THSD7A: variants seen among roughly 807,000 people sequenced by gnomAD.
THSD7A encodes the protein thrombospondin type 1 domain containing 7A.
In THSD7A, 96 loss-of-function variants were observed where a neutral mutation model predicts 231.3. The ratio of observed to expected loss-of-function variants is 0.41; its 90% confidence interval spans 0.35 to 0.49. The LOEUF is 0.49. THSD7A is among the 20% of genes least tolerant of loss of function. The probability of loss-of-function intolerance (pLI) is 0.05; values close to 1 mark genes in which losing one functional copy is unlikely to be tolerated. For missense variants in THSD7A, 2,290 were observed against 2,070.2 expected, an observed-to-expected ratio of 1.11 and a Z score of -2.06; for synonymous variants, 940 against 743.3, an observed-to-expected ratio of 1.26 and a Z score of -4.30.
At position 11,593,448 on chromosome 7, in the gene THSD7A, T is replaced by C. The variant is rs1310492931; in HGVS notation, c.1077A>G (p.Lys359=). 1 of 1,614,010 alleles carries C rather than the reference T, an allele frequency of 6.2e-7. No homozygotes were observed. The highest frequency in any genetic ancestry group is 1.7e-5 in the Admixed American group (1 of 60,028). Residue 359 remains lysine (K), a synonymous_variant, in exon 3 of 28, where the codon AAA becomes AAG. Coordinates refer to ENST00000423059, the MANE Select transcript of THSD7A (RefSeq NM_015204.3). ...CTGACCACTCGGAAACCTGGCACTC[T>C]TTGGTGATCACACAGGACTGGAAGG... is the stretch of plus-strand genomic sequence containing the variant. The part of the protein sequence containing the change: ...PMTFQSCVIT[K]ECQVSEWSEW...
In THSD7A at chr7:11,790,067, G is replaced by A. The variant is rs114006138; in HGVS notation, c.190+41690C>T. 4.9e-3 allele frequency among the ~76,000 whole-genome samples: 750 copies of A among 152,088 alleles called. 6 individuals carry two copies. The highest frequency in any genetic ancestry group is 0.017 in the African/African-American group (693 of 41,522). On this transcript the variant is annotated intron_variant, in intron 1 of 27. Transcript: ENST00000423059. Reference sequence around the variant, plus strand: ...AATATTTATTTGAAAATTAAATGTTGTGGAGATAAAAAGACATACTTTTTG... The same window carrying A: ...AATATTTATTTGAAAATTAAATGTTATGGAGATAAAAAGACATACTTTTTG...
intron 1 of THSD7A, among the ~76,000 whole-genome samples, chr7:11,751,907 C>G (rs893268932): frequency 6.6e-6 from 1 of 152,064 alleles, no homozygotes; most frequent in Non-Finnish European, 1.5e-5. Flanking sequence ...TTACTCCACA[C>G]ATAATTTTAA....
At chr7:11,565,977 G>A (rs1158231937) in intron 4 of THSD7A, among the ~76,000 whole-genome samples, 1 of 152,074 alleles carries the variant, frequency 6.6e-6, no homozygotes, top group Non-Finnish European at 1.5e-5. Context: ...CTTTTATTAG[G>A]CTAAGCATGA....
At chr7:11,660,478 G>A (rs1165509202) in intron 1 of THSD7A, among the ~76,000 whole-genome samples, 2 of 151,384 alleles carry the variant, frequency 1.3e-5, no homozygotes, top group Admixed American at 1.3e-4. Context: ...TTGATGTCAT[G>A]TGAAATAGAA....
intron 6 of THSD7A, among the ~76,000 whole-genome samples, chr7:11,491,512 T>A (rs1243409329): frequency 1.3e-5 from 2 of 152,096 alleles, no homozygotes; most frequent in African/African-American, 4.8e-5. Context: ...TTCTCAGGCA[T>A]CTTCTAGCAG....
In THSD7A at chr7:11,802,300, T is replaced by A. The variant is rs6950194; in HGVS notation, c.190+29457A>T. ...ATATACCTGGCCCACCCTACTATAC[T>A]ATTTAATTAAAATCTTTTGGTGTAA... On this transcript the variant is annotated intron_variant, in intron 1 of 27. Transcript: ENST00000423059. 3.5e-3 allele frequency among the ~76,000 whole-genome samples: 528 copies of A among 152,250 alleles called. 3 individuals are homozygous for A. The highest frequency in any genetic ancestry group is 0.011 in the African/African-American group (474 of 41,544).
intron 1 of THSD7A, among the ~76,000 whole-genome samples, chr7:11,773,313 C>T (rs1302759747): frequency 6.6e-6 from 1 of 152,126 alleles, no homozygotes; most frequent in Non-Finnish European, 1.5e-5. Context: ...GCGGGCAGAT[C>T]ATCTAGGTCG....
At chr7:11,553,381 T>G (rs1407949390) in intron 4 of THSD7A, among the ~76,000 whole-genome samples, 3 of 152,124 alleles carry the variant, frequency 2.0e-5, no homozygotes, top group African/African-American at 7.2e-5. Flanking sequence ...TCAAAAACTG[T>G]AAGACGATTA....
intron 6 of THSD7A, among the ~76,000 whole-genome samples, chr7:11,495,223 T>A (rs1469994622): frequency 6.6e-6 from 1 of 152,086 alleles, no homozygotes; most frequent in African/African-American, 2.4e-5. Context: ...GATTTATAAA[T>A]TAACCTTTAT....
At chr7:11,659,689 ATTAATTGGTATTCCATAAATACTG>A (rs1782852797) in intron 1 of THSD7A, among the ~76,000 whole-genome samples, 1 of 151,502 alleles carries the variant, frequency 6.6e-6, no homozygotes, top group Non-Finnish European at 1.5e-5. Flanking sequence ...CAGATCACAT[ATTAATTGGTATTCCATAAATACTG>A]TTAATGAATG....
chr7:11,537,189 A>T (rs1319516258), intron 6 of THSD7A, among the ~76,000 whole-genome samples: 2 of 152,180 alleles, frequency 1.3e-5, no homozygotes, highest in Admixed American at 6.5e-5. Context: ...CCCCTTCCTC[A>T]TCTTATAGGC....
At chr7:11,460,081 T>G (rs1360203814) in intron 11 of THSD7A, among the ~76,000 whole-genome samples, 2 of 152,106 alleles carry the variant, frequency 1.3e-5, no homozygotes, top group Non-Finnish European at 2.9e-5. Context: ...TTGAACATTC[T>G]CATTACCCAT....
At chr7:11,517,214 G>C (rs768578075) in intron 6 of THSD7A, among the ~76,000 whole-genome samples, 1 of 152,000 alleles carries the variant, frequency 6.6e-6, no homozygotes, top group Non-Finnish European at 1.5e-5. Flanking sequence ...GAGTAGTTGG[G>C]ATTACAGGTG....
rs775701855 is a variant in THSD7A, at chr7:11,382,532, A to G, written c.4496T>C (p.Ile1499Thr). 2 of 1,612,088 alleles carry G rather than the reference A, an allele frequency of 1.2e-6. No homozygotes were observed. The highest frequency in any genetic ancestry group is 1.1e-5 in the South Asian group (1 of 90,920). Residue 1499 changes from isoleucine to threonine, a missense_variant, in exon 24 of 28, where the codon ATA becomes ACA. By Grantham distance (89) the Ile-to-Thr change is moderately conservative. Transcript: ENST00000423059. ...AACTGGAGGTTTACCTGTTACATTT[A>G]TACCATCTGACCTTTGACACCACAC... ...RTVWCQRSDG[I>T]NVTGGCLVMS... is the part of the protein sequence containing the mutation.
intron 6 of THSD7A, among the ~76,000 whole-genome samples, chr7:11,517,242 C>A (rs1788067735): frequency 6.6e-6 from 1 of 151,984 alleles, no homozygotes. Flanking sequence ...CCATGCCCAG[C>A]TAAATTTTTG....
intron 1 of THSD7A, among the ~76,000 whole-genome samples, chr7:11,729,841 T>C (rs1781668590): frequency 6.6e-6 from 1 of 151,782 alleles, no homozygotes; most frequent in African/African-American, 2.4e-5. Flanking sequence ...CACTTATGTT[T>C]GGAAACAAAA....
At chr7:11,483,805 C>A (rs6971882) in intron 6 of THSD7A, among the ~76,000 whole-genome samples, 68,971 of 151,902 alleles carry the variant, frequency 0.45, 16,236 homozygotes, top group Admixed American at 0.57. Context: ...AGCTAACAAA[C>A]GTCATATTTT....
intron 1 of THSD7A, among the ~76,000 whole-genome samples, chr7:11,653,575 T>C (rs145276726): frequency 6.6e-6 from 1 of 151,632 alleles, no homozygotes; most frequent in Non-Finnish European, 1.5e-5. Flanking sequence ...CATAGCACGT[T>C]ACATCCTGGA....
chr7:11,730,280 A>G (rs1309489457), intron 1 of THSD7A, among the ~76,000 whole-genome samples: 1 of 151,692 alleles, frequency 6.6e-6, no homozygotes, highest in African/African-American at 2.4e-5. Context: ...ATTAATGATT[A>G]ACAAAATCGA....
Sources: allele counts gnomAD v4.1 joint callset (sites outside exome capture counted in the v4.1 genomes callset), GRCh38; gene constraint gnomAD v4.1.1; transcripts MANE v1.5; gene names NCBI Gene and HGNC (gene_info 2026-07-23, HGNC 2026-07-21).